GRM7: variants seen among roughly 807,000 people sequenced by gnomAD.
GRM7 encodes metabotropic glutamate receptor 7.
In GRM7, 35 loss-of-function variants were observed where a neutral mutation model predicts 84.5. That is an observed-to-expected ratio of 0.41 (90% confidence interval 0.32 to 0.55). The LOEUF is 0.55. Ranked by LOEUF, GRM7 falls within the 20% of genes least tolerant of loss-of-function variation. The pLI is 0.19. For missense variants in GRM7, 1,003 were observed against 1,194.6 expected (o/e 0.84, Z 2.36); for synonymous variants, 487 against 455.1 (o/e 1.07, Z -0.89).
chr3:7,614,447 A>G (rs978053767), intron 8 of GRM7, among the ~76,000 whole-genome samples: 1 of 152,134 alleles, frequency 6.6e-6, no homozygotes, highest in Non-Finnish European at 1.5e-5. Flanking sequence ...CCATTCCTCA[A>G]ATGGATTTAC....
At chr3:7,399,218 GTCC>G (rs1695345405) in intron 4 of GRM7, among the ~76,000 whole-genome samples, 1 of 149,438 alleles carries the variant, frequency 6.7e-6, no homozygotes, top group African/African-American at 2.5e-5. Context: ...ATAATAAAAT[GTCC>G]TCAACATTTT....
At chr3:7,332,643 T>C (rs1701252055) in intron 4 of GRM7, among the ~76,000 whole-genome samples, 1 of 152,134 alleles carries the variant, frequency 6.6e-6, no homozygotes, top group African/African-American at 2.4e-5. Flanking sequence ...AGCTCCCACT[T>C]AGATGAACAG....
intron 8 of GRM7, among the ~76,000 whole-genome samples, chr3:7,595,951 A>G (rs974921697): frequency 6.6e-6 from 1 of 152,158 alleles, no homozygotes; most frequent in East Asian, 1.9e-4. Flanking sequence ...CTGACTAAAC[A>G]TTTTAAAAAG....
chr3:7,421,916 TAAAAAAAA>T (rs773501237), intron 5 of GRM7, among the ~76,000 whole-genome samples: 1 of 78,822 alleles, frequency 1.3e-5, no homozygotes, highest in Non-Finnish European at 2.7e-5. Flanking sequence ...CTACAAACAG[TAAAAAAAA>T]AAAAAAAAAA....
intron 1 of GRM7, among the ~76,000 whole-genome samples, chr3:7,022,048 C>T (rs1027565242): frequency 6.6e-6 from 1 of 152,054 alleles, no homozygotes; most frequent in Non-Finnish European, 1.5e-5. Context: ...GCACTCTAGG[C>T]CGGGGACAGG....
rs950408001 is a variant in GRM7 at position 7,022,530 on chromosome 3, CA to C, written c.520-123915del. Among the ~76,000 whole-genome samples, 35 of 151,358 alleles carry C rather than the reference CA, an allele frequency of 2.3e-4. No individual in the cohort carries two copies. In the East Asian group the frequency reaches 2.3e-3, roughly 10 times the overall value. On this transcript the variant is annotated intron_variant, in intron 1 of 9. Coordinates refer to ENST00000357716, the MANE Select transcript of GRM7 (RefSeq NM_000844.4). Reference sequence around the variant, plus strand: ...ATAGCCTACAATACTTCTAGTACCCCAAAAAAATATTTTCTTTTAAAATCAG... The same window carrying C: ...ATAGCCTACAATACTTCTAGTACCCCAAAAAATATTTTCTTTTAAAATCAG...
At chr3:6,985,336 T>G (rs182678242) in intron 1 of GRM7, among the ~76,000 whole-genome samples, 2 of 152,232 alleles carry the variant, frequency 1.3e-5, no homozygotes, top group Admixed American at 1.3e-4. Context: ...TTTGTACCCA[T>G]TAACCATCTT....
At chr3:7,470,326 T>C (rs1237243388) in intron 7 of GRM7, among the ~76,000 whole-genome samples, 2 of 152,230 alleles carry the variant, frequency 1.3e-5, no homozygotes, top group African/African-American at 2.4e-5. Context: ...TAATATGTAA[T>C]AATACTTTCT....
intron 1 of GRM7, chr3:6,892,539 C>G (rs995373108): frequency 2.0e-5 from 3 of 152,088 alleles, no homozygotes; most frequent in Admixed American, 1.3e-4. Flanking sequence ...CCTACATATC[C>G]AGGAAGGTAT....
Position 7,625,134 on chromosome 3 carries a change from T to C in GRM7, c.2451+45777T>C, listed in dbSNP as rs569371615. On this transcript the variant is annotated intron_variant, in intron 8 of 9. Coordinates refer to ENST00000357716, the MANE Select transcript of GRM7 (RefSeq NM_000844.4). The stretch of plus-strand genomic sequence containing the variant: ...TGACTGCTTAGCTGTGTATCACAAT[T>C]GGCCCCTTAGATCGCTGGTAATGGA... Among the ~76,000 whole-genome samples, 39 of 152,266 alleles carry C rather than the reference T, an allele frequency of 2.6e-4. 1 individual carries two copies. The highest frequency in any genetic ancestry group is 9.4e-4 in the African/African-American group (39 of 41,556).
At chr3:7,320,168 G>A (rs532495918) in intron 4 of GRM7, among the ~76,000 whole-genome samples, 6 of 152,086 alleles carry the variant, frequency 3.9e-5, no homozygotes, top group African/African-American at 1.2e-4. Context: ...GTGTGTGTTT[G>A]TGTGTATCTA....
At chr3:7,418,298 G>A (rs1047451372) in intron 5 of GRM7, among the ~76,000 whole-genome samples, 4 of 152,096 alleles carry the variant, frequency 2.6e-5, no homozygotes, top group Admixed American at 6.6e-5. Flanking sequence ...TCAGGCATTC[G>A]CAGTGAGCCA....
chr3:7,452,586 GTTTC>G lies in GRM7; in HGVS notation c.1175-18_1175-15del. ...TGTGTGTGTGTGTGTGTGTGTGTGT[GTTTC>G]TTGTTTTAATGTGCAGGACAGGAGA... is the stretch of plus-strand genomic sequence containing the variant. On this transcript the variant is annotated splice_polypyrimidine_tract_variant and intron_variant, in intron 5 of 9. Transcript: ENST00000357716. 1 of 1,338,174 alleles carries G rather than the reference GTTTC, an allele frequency of 7.5e-7. No individual in the cohort carries two copies. Among genetic ancestry groups the G allele is most frequent in the Non-Finnish European group, 1.1e-6 (1 of 929,328 alleles). The allele number at this position is 1,338,174 out of a possible 1,614,324, so 82.9% of individuals were successfully genotyped here.
chr3:7,718,308 A>G (rs1056392200), intron 9 of GRM7, among the ~76,000 whole-genome samples: 2 of 152,176 alleles, frequency 1.3e-5, no homozygotes, highest in Non-Finnish European at 2.9e-5. Flanking sequence ...CATTTTAAAT[A>G]GTCCTTGAGA....
chr3:7,114,295 A>T (rs1438912677), intron 1 of GRM7, among the ~76,000 whole-genome samples: 1 of 152,184 alleles, frequency 6.6e-6, no homozygotes, highest in African/African-American at 2.4e-5. Context: ...AATGCAACCC[A>T]TTCTGAAGAT....
chr3:7,067,822 T>C (rs898014740), intron 1 of GRM7, among the ~76,000 whole-genome samples: 1 of 151,980 alleles, frequency 6.6e-6, no homozygotes, highest in Admixed American at 6.6e-5. Flanking sequence ...GCTAGCCAAT[T>C]TGTACCATAA....
At chr3:6,949,733 T>G (rs1426037882) in intron 1 of GRM7, among the ~76,000 whole-genome samples, 2 of 152,168 alleles carry the variant, frequency 1.3e-5, no homozygotes, top group Non-Finnish European at 2.9e-5. Context: ...AGTCCCATAT[T>G]TCTTGGAGGC....
chr3:7,164,101 G>T (rs139512514), intron 2 of GRM7, among the ~76,000 whole-genome samples: 1 of 152,156 alleles, frequency 6.6e-6, no homozygotes, highest in South Asian at 2.1e-4. Flanking sequence ...GCTCACACCT[G>T]TAATCCCAGC....
At chr3:6,940,365 C>T (rs1441128533) in intron 1 of GRM7, among the ~76,000 whole-genome samples, 1 of 152,192 alleles carries the variant, frequency 6.6e-6, no homozygotes, top group East Asian at 1.9e-4. Context: ...GCTGGGATTA[C>T]AGGAGTGAAC....
Sources: gnomAD v4.1 joint callset for allele counts (sites outside exome capture counted in the v4.1 genomes callset) on GRCh38, gnomAD v4.1.1 for gene constraint, MANE v1.5 for transcripts, NCBI Gene and HGNC (gene_info 2026-07-23, HGNC 2026-07-21) for gene names.